Variants in PRKD1 observed in about 807,000 individuals in gnomAD.
PRKD1 encodes the protein protein kinase D1.
A neutral mutation model predicts 95.9 loss-of-function variants in PRKD1; 63 were observed. The observed-to-expected ratio is 0.66, with a 90% CI of 0.54 to 0.81. PRKD1 has a LOEUF of 0.81. Ranked by LOEUF, PRKD1 falls within the 30% of genes least tolerant of loss-of-function variation. The pLI is 0.00. For synonymous variants in PRKD1, 425 were observed against 423.1 expected, an observed-to-expected ratio of 1.00 and a Z score of -0.05; for missense variants, 1,048 against 1,165.3, an observed-to-expected ratio of 0.90 and a Z score of 1.47.
chr14:29,580,873 T>C (rs1467865687), intron 16 of PRKD1, among the ~76,000 whole-genome samples: 1 of 152,052 alleles, frequency 6.6e-6, no homozygotes, highest in Non-Finnish European at 1.5e-5. Flanking sequence ...CCTTAATTCC[T>C]GTTGGCAATT....
chr14:29,668,859 GTTA>G (rs1273762052), intron 2 of PRKD1, among the ~76,000 whole-genome samples: 1 of 152,144 alleles, frequency 6.6e-6, no homozygotes, highest in African/African-American at 2.4e-5. Flanking sequence ...CTATAAGGTA[GTTA>G]TTATGCCAAA....
rs140954822 is a variant in PRKD1, at chr14:29,665,785, A to T, written c.535+292T>A. 3.8e-3 allele frequency among the ~76,000 whole-genome samples: 576 copies of T among 152,190 alleles called. 2 individuals carry two copies. The highest frequency in any genetic ancestry group is 0.034 in the Middle Eastern group (10 of 294). ...TGTATACATACATAGATCTATGTAC[A>T]TAGGTGTATATATACATAGACTTAT... On this transcript the variant is annotated intron_variant, in intron 3 of 17. Transcript: ENST00000331968.
chr14:29,789,720 A>G (rs990229935), intron 1 of PRKD1, among the ~76,000 whole-genome samples: 1 of 152,148 alleles, frequency 6.6e-6, no homozygotes, highest in Admixed American at 6.5e-5. Context: ...CCATGCATGT[A>G]TATCAGTGGC....
intron 1 of PRKD1, among the ~76,000 whole-genome samples, chr14:29,879,871 T>A (rs1032823931): frequency 6.6e-6 from 1 of 152,144 alleles, no homozygotes; most frequent in African/African-American, 2.4e-5. Flanking sequence ...TAGAGATCTG[T>A]GGAACTTTGA....
At chr14:29,673,148 A>T (rs1237660218) in intron 2 of PRKD1, among the ~76,000 whole-genome samples, 1 of 152,200 alleles carries the variant, frequency 6.6e-6, no homozygotes, top group Non-Finnish European at 1.5e-5. Flanking sequence ...AAATAGATAC[A>T]AACTATGCAC....
chr14:29,719,074 T>G (rs1376793725), intron 2 of PRKD1, among the ~76,000 whole-genome samples: 1 of 152,078 alleles, frequency 6.6e-6, no homozygotes, highest in Non-Finnish European at 1.5e-5. Context: ...AAAAAGAAGC[T>G]TAATAAAATG....
intron 1 of PRKD1, among the ~76,000 whole-genome samples, chr14:29,889,121 T>C (rs1326083123): frequency 6.6e-6 from 1 of 152,212 alleles, no homozygotes; most frequent in Non-Finnish European, 1.5e-5. Context: ...GACATTCAAA[T>C]GGGCTATCTG....
intron 1 of PRKD1, among the ~76,000 whole-genome samples, chr14:29,898,117 T>G (rs1594612179): frequency 6.6e-6 from 1 of 152,148 alleles, no homozygotes; most frequent in African/African-American, 2.4e-5. Flanking sequence ...TAGAAGAATT[T>G]TTATACTGTT....
intron 1 of PRKD1, among the ~76,000 whole-genome samples, chr14:29,869,376 G>T (rs1893023765): frequency 6.6e-6 from 1 of 151,780 alleles, no homozygotes; most frequent in African/African-American, 2.4e-5. Context: ...GGATGGGGAG[G>T]TTGCAGCAAG....
intron 1 of PRKD1, among the ~76,000 whole-genome samples, chr14:29,841,445 G>C (rs1301100895): frequency 6.6e-6 from 1 of 152,116 alleles, no homozygotes; most frequent in Non-Finnish European, 1.5e-5. Context: ...AACCCATTGG[G>C]GGGTTACTGA....
chr14:29,611,858 G>C (rs1346977451), intron 13 of PRKD1, among the ~76,000 whole-genome samples: 1 of 151,752 alleles, frequency 6.6e-6, no homozygotes, highest in Admixed American at 6.6e-5. Context: ...TCAAATGTCT[G>C]GAAATGAAGA....
intron 1 of PRKD1, among the ~76,000 whole-genome samples, chr14:29,806,474 A>G (rs1397915991): frequency 1.3e-5 from 2 of 152,204 alleles, no homozygotes; most frequent in East Asian, 3.9e-4. Flanking sequence ...TACAACAAGT[A>G]GATCCAATCT....
chr14:29,849,295 T>C (rs1345785067), intron 1 of PRKD1, among the ~76,000 whole-genome samples: 1 of 152,190 alleles, frequency 6.6e-6, no homozygotes, highest in African/African-American at 2.4e-5. Context: ...TCCACCATAA[T>C]TGTAAGTTTC....
intron 1 of PRKD1, among the ~76,000 whole-genome samples, chr14:29,851,741 C>A (rs551785515): frequency 2.0e-4 from 30 of 152,052 alleles, no homozygotes; most frequent in South Asian, 1.2e-3. Context: ...GATCTGTAAA[C>A]CCCAAAATAA....
chr14:29,879,452 G>A (rs1431534092), intron 1 of PRKD1, among the ~76,000 whole-genome samples: 3 of 152,064 alleles, frequency 2.0e-5, no homozygotes, highest in South Asian at 4.1e-4. Context: ...TTCGCCTCCC[G>A]CCATGATTCT....
chr14:29,598,957 G>A (rs1294631993), intron 15 of PRKD1, 70 bp downstream of exon 15: 1 of 1,258,604 alleles, frequency 7.9e-7, no homozygotes, highest in Non-Finnish European at 1.1e-6. Flanking sequence ...AATGGAAGGT[G>A]ACAAGATGCT....
intron 1 of PRKD1, among the ~76,000 whole-genome samples, chr14:29,873,421 G>C (rs1310656707): frequency 6.6e-6 from 1 of 151,978 alleles, no homozygotes; most frequent in Non-Finnish European, 1.5e-5. Flanking sequence ...CTCTCTCAAG[G>C]ACAAACTTTT....
At chr14:29,673,792 G>A (rs1378199819) in intron 2 of PRKD1, among the ~76,000 whole-genome samples, 1 of 152,160 alleles carries the variant, frequency 6.6e-6, no homozygotes, top group Non-Finnish European at 1.5e-5. Flanking sequence ...TTTACAAAGT[G>A]TCTAGCAGTG....
chr14:29,674,663 C>T (rs969550559), intron 2 of PRKD1, among the ~76,000 whole-genome samples: 5 of 152,186 alleles, frequency 3.3e-5, no homozygotes, highest in Admixed American at 2.6e-4. Flanking sequence ...AAAGCTCCAT[C>T]GTGTACAGGA....
Sources: allele counts gnomAD v4.1 joint callset (sites outside exome capture counted in the v4.1 genomes callset), GRCh38; gene constraint gnomAD v4.1.1; transcripts MANE v1.5; gene names NCBI Gene and HGNC (gene_info 2026-07-23, HGNC 2026-07-21).